Variants in IFT81 observed in about 807,000 individuals in gnomAD.
IFT81 encodes intraflagellar transport protein 81 homolog.
IFT81 carries 72 observed loss-of-function variants against 102.6 expected under a neutral mutation model. The ratio of observed to expected loss-of-function variants is 0.70; its 90% CI spans 0.58 to 0.85. The LOEUF is 0.85. Ranked by LOEUF, IFT81 falls within the 40% of genes least tolerant of loss-of-function variation. The pLI, the probability that IFT81 is intolerant of heterozygous loss-of-function variation, is 0.00. For missense variants in IFT81, 723 were observed against 787.3 expected (o/e 0.92, Z 0.98); for synonymous variants, 237 against 242.7 (o/e 0.98, Z 0.22).
At chr12:110,179,782 A>ACG (rs1897237064) in intron 11 of IFT81, among the ~76,000 whole-genome samples, 2 of 130,820 alleles carry the variant, frequency 1.5e-5, no homozygotes, top group South Asian at 2.4e-4. Context: ...ATACACACAC[A>ACG]CACACACACA....
At chr12:110,126,060 C>T (rs1331813346) in intron 1 of IFT81, among the ~76,000 whole-genome samples, 8 of 152,086 alleles carry the variant, frequency 5.3e-5, no homozygotes, top group Admixed American at 1.3e-4. Flanking sequence ...GGGCGGATCA[C>T]GAGGTCAGGA....
Position 110,205,432 on chromosome 12 carries a change from A to G in IFT81, c.1645-11A>G. On this transcript the variant is annotated splice_polypyrimidine_tract_variant and intron_variant, in intron 15 of 18. Transcript: ENST00000242591. ...TCGATAATGTCACCTATCTAAAATTATATATTATAGGAAGTTAGAAGACTC... is the reference window on the plus strand; with the variant it reads ...TCGATAATGTCACCTATCTAAAATTGTATATTATAGGAAGTTAGAAGACTC... 1.3e-6 allele frequency: 2 copies of G among 1,578,538 alleles called. No homozygotes were observed. Among genetic ancestry groups the G allele is most frequent in the Middle Eastern group, 1.8e-4 (1 of 5,548 alleles).
At chr12:110,195,193 C>T (rs1446992314) in intron 14 of IFT81, among the ~76,000 whole-genome samples, 2 of 151,902 alleles carry the variant, frequency 1.3e-5, no homozygotes, top group Non-Finnish European at 2.9e-5. Flanking sequence ...CCTCCTTTTT[C>T]CCCTCCTCAC....
At chr12:110,203,995 G>A (rs1263052825) in intron 15 of IFT81, 45 bp downstream of exon 15, 1 of 1,230,184 alleles carries the variant, frequency 8.1e-7, no homozygotes, top group Non-Finnish European at 1.2e-6. Flanking sequence ...AAAACTACCT[G>A]TGTGTACACC....
chr12:110,151,963 ATGT>A (rs1297669487), intron 10 of IFT81, among the ~76,000 whole-genome samples: 2 of 152,060 alleles, frequency 1.3e-5, no homozygotes, highest in Non-Finnish European at 2.9e-5. Flanking sequence ...AGGCTCATCC[ATGT>A]TGTTGTAAAT....
chr12:110,210,890 A>T (rs1026488074), intron 18 of IFT81, among the ~76,000 whole-genome samples: 61 of 151,038 alleles, frequency 4.0e-4, no homozygotes, highest in African/African-American at 1.5e-3. Context: ...TCACTCTGTC[A>T]CCTAGGCTGG....
intron 14 of IFT81, among the ~76,000 whole-genome samples, chr12:110,203,083 T>C (rs976308142): frequency 3.3e-5 from 5 of 151,934 alleles, no homozygotes; most frequent in African/African-American, 4.8e-5. Flanking sequence ...CTGACCAACA[T>C]AGTGAAACCC....
chr12:110,132,438 C>T (rs561192535), intron 4 of IFT81, 109 bp from the exon 5 acceptor site: 20 of 456,476 alleles, frequency 4.4e-5, no homozygotes, highest in South Asian at 8.0e-5. Flanking sequence ...CCAGGCTGGG[C>T]GACAGAGCAA....
intron 12 of IFT81, among the ~76,000 whole-genome samples, chr12:110,183,025 C>T (rs565041653): frequency 9.8e-4 from 149 of 152,308 alleles, no homozygotes; most frequent in Non-Finnish European, 1.8e-3. Flanking sequence ...TGGGGCCTTA[C>T]GTTTAAGACA....
At chr12:110,149,711 C>T (rs1162978388) in intron 10 of IFT81, among the ~76,000 whole-genome samples, 1 of 152,206 alleles carries the variant, frequency 6.6e-6, no homozygotes. Flanking sequence ...CTGCCCCATC[C>T]TAACTCTGCG....
intron 1 of IFT81, among the ~76,000 whole-genome samples, chr12:110,126,196 T>G (rs574870754): frequency 4.7e-5 from 7 of 150,042 alleles, no homozygotes; most frequent in African/African-American, 1.5e-4. Context: ...GAGAATGGCT[T>G]GAACCTGGGA....
At chr12:110,198,223 T>C (rs942281587) in intron 14 of IFT81, among the ~76,000 whole-genome samples, 2 of 152,118 alleles carry the variant, frequency 1.3e-5, no homozygotes, top group Non-Finnish European at 2.9e-5. Flanking sequence ...CGCGTATGTG[T>C]GTGTTTAGTG....
chr12:110,152,198 A>G (rs1028736517), intron 10 of IFT81, among the ~76,000 whole-genome samples: 1 of 152,180 alleles, frequency 6.6e-6, no homozygotes, highest in African/African-American at 2.4e-5. Flanking sequence ...ATTATATGCT[A>G]GCTCTATTTT....
intron 11 of IFT81, chr12:110,168,430 A>G: frequency 1.2e-6 from 1 of 820,456 alleles, no homozygotes; most frequent in Non-Finnish European, 1.5e-6. Context: ...AATAAATATA[A>G]TGTGGTAGAA....
At chr12:110,186,232 G>A (rs1478058013) in intron 12 of IFT81, among the ~76,000 whole-genome samples, 1 of 144,558 alleles carries the variant, frequency 6.9e-6, no homozygotes, top group Non-Finnish European at 1.5e-5. Context: ...AACATCAACT[G>A]TACATCTTGT....
rs1366785129 is a variant in IFT81 at position 110,204,078 on chromosome 12, T to C, written c.1644+128T>C. 7 of 629,776 alleles carry C rather than the reference T, an allele frequency of 1.1e-5. No individual in the cohort carries two copies. In the East Asian group the frequency reaches 2.0e-4, roughly 18 times the overall value. The allele number at this position is 629,776 out of a possible 1,614,324, so 39.0% of individuals were successfully genotyped here. A position where few individuals can be genotyped will look rare whatever the true frequency, so the allele number is the denominator to read the frequency against. On this transcript the variant is annotated intron_variant, in intron 15 of 18. Transcript: ENST00000242591. ...CTAGGAGTTTGAGGCTACAGTGAGC[T>C]ATGATCACACCACTGCATTCTAGCC...
intron 10 of IFT81, among the ~76,000 whole-genome samples, chr12:110,148,863 G>GT (rs1203011157): frequency 6.6e-6 from 1 of 152,062 alleles, no homozygotes; most frequent in African/African-American, 2.4e-5. Context: ...TACATGCTTT[G>GT]TTTTTATCAT....
chr12:110,162,999 A>T lies in IFT81; in HGVS notation c.1122A>T (p.Arg374Ser), dbSNP rs905587040. 3.1e-6 allele frequency: 5 copies of T among 1,613,890 alleles called. No homozygotes were observed. The highest frequency in any genetic ancestry group is 4.2e-6 in the Non-Finnish European group (5 of 1,179,920). Residue 374 changes from arginine to serine, a missense_variant, in exon 11 of 19, where the codon AGA becomes AGT. By Grantham distance (110) the Arg-to-Ser change is moderately radical (BLOSUM62 -1). Transcript: ENST00000242591. ...EAKEKLASLEREASVKRNQTR... is the reference protein window; with the variant it reads ...EAKEKLASLESEASVKRNQTR... The stretch of plus-strand genomic sequence containing the variant: ...AGGAGAAGTTAGCCAGCCTAGAGAG[A>T]GAAGCATCAGTAAAGAGAAATCAGA...
At chr12:110,150,604 G>T (rs1593302504) in intron 10 of IFT81, among the ~76,000 whole-genome samples, 1 of 151,942 alleles carries the variant, frequency 6.6e-6, no homozygotes, top group South Asian at 2.1e-4. Flanking sequence ...TTCATAATTT[G>T]CTTTTGTCCA....
Sources: gnomAD v4.1 joint callset for allele counts (sites outside exome capture counted in the v4.1 genomes callset) on GRCh38, gnomAD v4.1.1 for gene constraint, MANE v1.5 for transcripts, NCBI Gene and HGNC (gene_info 2026-07-23, HGNC 2026-07-21) for gene names.